TBCK: variants seen among roughly 807,000 people sequenced by gnomAD.
TBCK encodes TBC1 domain containing kinase.
In TBCK, 99 loss-of-function variants were observed where a neutral mutation model predicts 113.4. That is an observed-to-expected ratio of 0.87 (90% CI 0.74 to 1.03). The LOEUF is 1.03. TBCK is among the 50% of genes least tolerant of loss of function. TBCK has a pLI of 0.00. For missense variants in TBCK, 1,045 were observed against 1,061.3 expected, an observed-to-expected ratio of 0.98 and a Z score of 0.21; for synonymous variants, 369 against 370.8, an observed-to-expected ratio of 1.00 and a Z score of 0.05.
At chr4:106,308,746 G>GA (rs748710624) in intron 2 of TBCK, 22 bp downstream of exon 2, 45 of 1,590,540 alleles carry the variant, frequency 2.8e-5, no homozygotes, top group African/African-American at 2.3e-4. Context: ...ACATAAATAG[G>GA]AAAAAAAAGA....
Position 106,212,804 on chromosome 4 carries a change from T to C in TBCK, c.1806A>G (p.Ala602=), listed in dbSNP as rs202166089. 1.2e-5 allele frequency: 19 copies of C among 1,612,794 alleles called. No individual in the cohort carries two copies. Among genetic ancestry groups the C allele is most frequent in the East Asian group, 2.2e-5 (1 of 44,712 alleles). ...GATTACTCAGCTCTGGATCATGAAA[T>C]GCAATCATCTGAGAGAAGACAGTCA... The part of the protein sequence containing the change: ...EYLTVFSQMI[A]FHDPELSNHL... The change falls in exon 20 of 26, where the codon GCA becomes GCG. Residue 602 remains alanine (A), a synonymous_variant. Coordinates refer to ENST00000394708, the MANE Select transcript of TBCK (RefSeq NM_001163435.3).
intron 23 of TBCK, among the ~76,000 whole-genome samples, chr4:106,125,026 TATC>T (rs1745005022): frequency 6.7e-6 from 1 of 150,162 alleles, no homozygotes; most frequent in South Asian, 2.1e-4. Context: ...CACAATGTGA[TATC>T]ATCTCACCTG....
intron 23 of TBCK, among the ~76,000 whole-genome samples, chr4:106,125,678 A>G (rs997519404): frequency 6.6e-6 from 1 of 152,138 alleles, no homozygotes; most frequent in African/African-American, 2.4e-5. Flanking sequence ...AGTAGAGAGT[A>G]GAACAGTAGT....
At position 106,300,642 on chromosome 4, in the gene TBCK, C is replaced by T. The variant is rs867499803; in HGVS notation, c.194-5476G>A. ...CACTGTGATGGTCAGTTTTATGAGT[C>T]AGCTTAGCTAGAATATAGAATCCAG... On this transcript the variant is annotated intron_variant, in intron 2 of 25. Transcript: ENST00000394708. Among the ~76,000 whole-genome samples the T allele has an allele frequency of 1.2e-4, 18 of 152,270 alleles. No individual in the cohort carries two copies. The Middle Eastern group carries it at 0.02, about 173-fold the overall frequency.
At chr4:106,309,978 G>C (rs998425759) in intron 1 of TBCK, 2 of 152,140 alleles carry the variant, frequency 1.3e-5, no homozygotes, top group Admixed American at 1.3e-4. Context: ...CTGGAGAGTA[G>C]GAAACTTGCT....
chr4:106,237,900 G>A (rs977435859), intron 12 of TBCK, among the ~76,000 whole-genome samples: 1 of 151,962 alleles, frequency 6.6e-6, no homozygotes, highest in Non-Finnish European at 1.5e-5. Context: ...TAAGTATCTT[G>A]TCTGTCTTTT....
intron 8 of TBCK, 99 bp downstream of exon 8, chr4:106,248,822 T>C (rs1048719449): frequency 4.2e-6 from 4 of 955,770 alleles, no homozygotes; most frequent in Non-Finnish European, 6.2e-6. Context: ...CTAGTTTCAA[T>C]AACTGTGGAA....
At chr4:106,212,928 A>T (rs1005513907) in intron 19 of TBCK, 93 bp from the exon 20 acceptor site, 12 of 802,298 alleles carry the variant, frequency 1.5e-5, no homozygotes, top group Non-Finnish European at 2.0e-5. Context: ...ATTGAATGAG[A>T]TTTAATTTCT....
intron 23 of TBCK, among the ~76,000 whole-genome samples, chr4:106,152,899 AT>A (rs1174553859): frequency 6.6e-6 from 1 of 151,930 alleles, no homozygotes; most frequent in Non-Finnish European, 1.5e-5. Context: ...AATCCTTTGA[AT>A]TTCTGCAATA....
chr4:106,076,108 A>T lies in TBCK; in HGVS notation c.2571+19374T>A, dbSNP rs7662836. The stretch of plus-strand genomic sequence containing the variant: ...AAGATGTATAAAACAATAGCTCTGT[A>T]GAGGATGGCAGGGGGCCATAGGTAG... On this transcript the variant is annotated intron_variant, in intron 25 of 25. Coordinates refer to ENST00000394708, the MANE Select transcript of TBCK (RefSeq NM_001163435.3). Among the ~76,000 whole-genome samples, 12 of 152,238 alleles carry T rather than the reference A, an allele frequency of 7.9e-5. No homozygotes were observed. In the East Asian group the frequency reaches 9.6e-4, roughly 12 times the overall value.
Position 106,194,709 on chromosome 4 carries a change from C to A in TBCK, c.1897+9G>T. ...CAATATCAAAAAAACCGGGGGAAGT[C>A]ATACTTACGAGTAAACATGGTAAGA... On this transcript the variant is annotated intron_variant, in intron 21 of 25. Transcript: ENST00000394708. The A allele has an allele frequency of 6.3e-7, 1 of 1,592,336 alleles. No homozygotes were observed. Among genetic ancestry groups the A allele is most frequent in the Admixed American group, 1.8e-5 (1 of 55,164 alleles).
chr4:106,225,156 T>A (rs1277753224), intron 19 of TBCK, among the ~76,000 whole-genome samples: 1 of 152,100 alleles, frequency 6.6e-6, no homozygotes, highest in Non-Finnish European at 1.5e-5. Flanking sequence ...TAATTGAAAC[T>A]GTTTTTTTTC....
In TBCK at chr4:106,043,999, A is replaced by G. The variant is rs904751749; in HGVS notation, c.*2571T>C. On this transcript the variant is annotated 3_prime_UTR_variant, in exon 26 of 26. Transcript: ENST00000394708. ...ATAGTGTGCTCTTACTTTACTGTTG[A>G]GAATATTAAATATTATAATTTTCAT... 1 of 152,218 alleles carries G rather than the reference A, an allele frequency of 6.6e-6. No individual in the cohort carries two copies. The highest frequency in any genetic ancestry group is 2.4e-5 in the African/African-American group (1 of 41,460). 9.4% of individuals were successfully genotyped at this position (152,218 alleles called of 1,614,324 possible).
At chr4:106,085,220 C>T (rs966974238) in intron 25 of TBCK, among the ~76,000 whole-genome samples, 3 of 151,996 alleles carry the variant, frequency 2.0e-5, no homozygotes, top group Non-Finnish European at 4.4e-5. Context: ...TGCAGACATA[C>T]ACAGGCTCAA....
intron 25 of TBCK, among the ~76,000 whole-genome samples, chr4:106,049,714 C>T (rs984931302): frequency 6.6e-6 from 1 of 151,964 alleles, no homozygotes; most frequent in African/African-American, 2.4e-5. Flanking sequence ...TACAAATCTA[C>T]ACTTACTGAG....
chr4:106,049,931 G>C (rs1734628562), intron 25 of TBCK, among the ~76,000 whole-genome samples: 1 of 152,010 alleles, frequency 6.6e-6, no homozygotes, highest in Non-Finnish European at 1.5e-5. Context: ...AACTAGCATT[G>C]AGAGTCATTT....
chr4:106,248,925 A>T lies in TBCK; in HGVS notation c.716T>A (p.Ile239Lys), dbSNP rs757801162. The T allele has an allele frequency of 6.2e-7, 1 of 1,606,330 alleles. No individual in the cohort carries two copies. Residue 239 changes from isoleucine (I) to lysine (K), a missense_variant, in exon 8 of 26, where the codon ATA becomes AAA. By Grantham distance (102) the Ile-to-Lys change is moderately radical. Transcript: ENST00000394708. ...LAEEHGCLDIIKELPETVIDL... is the reference protein window; with the variant it reads ...LAEEHGCLDIKKELPETVIDL... ...AGACCCAGATTAATGACAAACCTTT[A>T]TAATGTCCAAACAACCATGCTCTTC...
At chr4:106,305,937 C>A (rs1767470020) in intron 2 of TBCK, among the ~76,000 whole-genome samples, 2 of 152,152 alleles carry the variant, frequency 1.3e-5, no homozygotes, top group African/African-American at 2.4e-5. Flanking sequence ...AGCATATAAT[C>A]AAAAAATAAC....
At chr4:106,178,954 T>C (rs1243777225) in intron 22 of TBCK, among the ~76,000 whole-genome samples, 1 of 151,952 alleles carries the variant, frequency 6.6e-6, no homozygotes, top group Non-Finnish European at 1.5e-5. Context: ...TCTTCATGGT[T>C]CAATCCTGCT....
Sources: gnomAD v4.1 joint callset for allele counts (sites outside exome capture counted in the v4.1 genomes callset) on GRCh38, gnomAD v4.1.1 for gene constraint, MANE v1.5 for transcripts, NCBI Gene and HGNC (gene_info 2026-07-23, HGNC 2026-07-21) for gene names.